AUTS2: variants seen among roughly 807,000 people sequenced by gnomAD.
The protein encoded by AUTS2 is autism susceptibility gene 2 protein.
In AUTS2, 17 loss-of-function variants were observed where a neutral mutation model predicts 112.4. The ratio of observed to expected loss-of-function variants is 0.15; its 90% confidence interval spans 0.10 to 0.23. The LOEUF (loss-of-function observed/expected upper bound fraction) is 0.23, where lower values mean the gene tolerates loss of function less well. AUTS2 is among the 10% of genes least tolerant of loss of function. The pLI is 1.00. For synonymous variants in AUTS2, 751 were observed against 702.7 expected, an observed-to-expected ratio of 1.07 and a Z score of -1.09; for missense variants, 1,510 against 1,701.6, an observed-to-expected ratio of 0.89 and a Z score of 1.98.
At chr7:69,878,151 C>T (rs1793887509) in intron 1 of AUTS2, among the ~76,000 whole-genome samples, 2 of 151,990 alleles carry the variant, frequency 1.3e-5, no homozygotes, top group African/African-American at 4.8e-5. Context: ...ATGGTGGTGG[C>T]AGGTAGGGTG....
At chr7:70,601,339 C>T (rs1368915996) in intron 5 of AUTS2, among the ~76,000 whole-genome samples, 1 of 152,180 alleles carries the variant, frequency 6.6e-6, no homozygotes, top group African/African-American at 2.4e-5. Flanking sequence ...AATGTCTATT[C>T]AGATCCTTCT....
chr7:70,775,365 T>G lies in AUTS2; in HGVS notation c.1911T>G (p.Asp637Glu). ...TCATTTTCTCTTCACAGTTGACAGATCCTTTCAGACCTATGTTAAGGGTAA... is the reference window on the plus strand; with the variant it reads ...TCATTTTCTCTTCACAGTTGACAGAGCCTTTCAGACCTATGTTAAGGGTAA... ...TLLQKDPRLT[D>E]PFRPMLRKPG... is the part of the protein sequence containing the mutation. The change falls in exon 13 of 19, where the codon GAT (aspartate) becomes GAG (glutamate). Residue 637 changes from aspartate to glutamate, a missense_variant. Asp to Glu is a conservative substitution (Grantham distance 45, BLOSUM62 2). Transcript: ENST00000342771. 2 of 1,613,306 alleles carry G rather than the reference T, an allele frequency of 1.2e-6. No individual in the cohort carries two copies. The highest frequency in any genetic ancestry group is 1.7e-6 in the Non-Finnish European group (2 of 1,179,714).
intron 1 of AUTS2, among the ~76,000 whole-genome samples, chr7:69,635,686 A>T (rs1794486796): frequency 6.6e-6 from 1 of 152,234 alleles, no homozygotes; most frequent in South Asian, 2.1e-4. Flanking sequence ...CAGAGGAGGT[A>T]CTTAAACTGG....
intron 1 of AUTS2, among the ~76,000 whole-genome samples, chr7:69,823,632 C>G (rs187708029): frequency 2.6e-5 from 4 of 152,082 alleles, no homozygotes; most frequent in African/African-American, 9.7e-5. Context: ...ATAGTTGTGC[C>G]GGGCCTGCTA....
intron 6 of AUTS2, among the ~76,000 whole-genome samples, chr7:70,716,060 C>G (rs1810347637): frequency 6.6e-6 from 1 of 152,208 alleles, no homozygotes; most frequent in Non-Finnish European, 1.5e-5. Flanking sequence ...TCTGATCAAC[C>G]CATTTGGAAT....
intron 1 of AUTS2, among the ~76,000 whole-genome samples, chr7:69,795,376 G>A (rs1789794504): frequency 6.6e-6 from 1 of 152,108 alleles, no homozygotes; most frequent in Admixed American, 6.5e-5. Context: ...TAAGAGTTGT[G>A]AATCAGAAAG....
intron 5 of AUTS2, among the ~76,000 whole-genome samples, chr7:70,564,910 C>G (rs546521230): frequency 1.1e-4 from 16 of 152,180 alleles, no homozygotes; most frequent in African/African-American, 3.9e-4. Flanking sequence ...CCAGCCTGGT[C>G]AATATGGTGA....
intron 1 of AUTS2, among the ~76,000 whole-genome samples, chr7:69,805,000 A>T (rs1020514302): frequency 3.3e-5 from 5 of 152,198 alleles, no homozygotes; most frequent in Non-Finnish European, 7.3e-5. Context: ...AGCTTGTAAC[A>T]GTTGATATTT....
intron 2 of AUTS2, among the ~76,000 whole-genome samples, chr7:70,009,142 A>G (rs549417815): frequency 1.3e-5 from 2 of 152,204 alleles, no homozygotes; most frequent in South Asian, 2.1e-4. Flanking sequence ...GCTTCATTCC[A>G]TGGGAGAAGG....
At chr7:70,280,655 A>G (rs1052715704) in intron 4 of AUTS2, among the ~76,000 whole-genome samples, 4 of 152,106 alleles carry the variant, frequency 2.6e-5, no homozygotes, top group Admixed American at 6.6e-5. Flanking sequence ...AGAAGAAACT[A>G]TAAACACTTG....
intron 1 of AUTS2, among the ~76,000 whole-genome samples, chr7:69,669,760 G>C (rs1224728599): frequency 6.6e-6 from 1 of 151,770 alleles, no homozygotes; most frequent in Non-Finnish European, 1.5e-5. Context: ...TGAAGCATGT[G>C]TGTGTCATTT....
At chr7:70,685,620 T>C (rs1415753913) in intron 5 of AUTS2, among the ~76,000 whole-genome samples, 3 of 152,026 alleles carry the variant, frequency 2.0e-5, no homozygotes, top group Non-Finnish European at 4.4e-5. Flanking sequence ...AAAAAGGTAG[T>C]ATTTCTTTCA....
chr7:69,782,017 C>T (rs210591), intron 1 of AUTS2, among the ~76,000 whole-genome samples: 58,695 of 151,996 alleles, frequency 0.39, 11,626 homozygotes, highest in African/African-American at 0.47. Context: ...TACAGATTCC[C>T]GGATGCTATC....
intron 2 of AUTS2, among the ~76,000 whole-genome samples, chr7:70,083,294 A>G (rs367696890): frequency 5.3e-5 from 8 of 152,302 alleles, no homozygotes; most frequent in East Asian, 1.9e-4. Flanking sequence ...AACCATCAAT[A>G]GGAGCTTCCA....
chr7:70,118,500 C>T (rs142388233), intron 3 of AUTS2: 6 of 284,960 alleles, frequency 2.1e-5, no homozygotes, highest in South Asian at 1.7e-4. Context: ...ACAACAAGGC[C>T]GGGCACGGTG....
intron 4 of AUTS2, among the ~76,000 whole-genome samples, chr7:70,164,730 T>C (rs895444648): frequency 6.6e-6 from 1 of 152,104 alleles, no homozygotes; most frequent in Non-Finnish European, 1.5e-5. Flanking sequence ...AGTCCCCCCA[T>C]GCTAACAGCT....
intron 2 of AUTS2, among the ~76,000 whole-genome samples, chr7:70,007,103 C>T (rs916667689): frequency 6.6e-6 from 1 of 152,064 alleles, no homozygotes; most frequent in South Asian, 2.1e-4. Flanking sequence ...CTTGCATTAC[C>T]TAGTGCAAAC....
chr7:69,938,446 A>G (rs1036777951), intron 2 of AUTS2, among the ~76,000 whole-genome samples: 2 of 152,172 alleles, frequency 1.3e-5, no homozygotes, highest in African/African-American at 2.4e-5. Context: ...AAATACAATA[A>G]TCCTTTTGTA....
rs138310814 is a variant in AUTS2 at position 70,787,276 on chromosome 7, C to G, written c.2376C>G (p.Pro792=). The change falls in exon 18 of 19, where the codon CCC becomes CCG. Residue 792 remains proline (P), a synonymous_variant. Transcript: ENST00000342771. ...AGAACTTTAGCAACCCTCACGAACC[C>G]TGGAACCGGCTGCACCGAACGCCTC... ...SVQNFSNPHE[P]WNRLHRTPPS... The G allele has an allele frequency of 6.1e-5, 98 of 1,614,108 alleles. No individual in the cohort carries two copies. Among genetic ancestry groups the G allele is most frequent in the Non-Finnish European group, 7.9e-5 (93 of 1,180,038 alleles).
Sources: gnomAD v4.1 joint callset for allele counts (sites outside exome capture counted in the v4.1 genomes callset) on GRCh38, gnomAD v4.1.1 for gene constraint, MANE v1.5 for transcripts, NCBI Gene and HGNC (gene_info 2026-07-23, HGNC 2026-07-21) for gene names.